TEKT1: variants seen among roughly 807,000 people sequenced by gnomAD.
The protein encoded by TEKT1 is tektin 1.
In TEKT1, 32 loss-of-function variants were observed where a neutral mutation model predicts 34.8. That is an observed-to-expected ratio of 0.92 (90% CI 0.69 to 1.23). The LOEUF is 1.23. Among genes scored for constraint, TEKT1 ranks in the 50% most tolerant of loss-of-function variants. The probability of loss-of-function intolerance (pLI) is 0.00; values close to 1 mark genes in which losing one functional copy is unlikely to be tolerated. For synonymous variants in TEKT1, 207 were observed against 199.8 expected, an observed-to-expected ratio of 1.04 and a Z score of -0.30; for missense variants, 492 against 518.5, an observed-to-expected ratio of 0.95 and a Z score of 0.50.
In TEKT1 at chr17:6,813,045, C is replaced by T. The variant is rs767719905; in HGVS notation, c.638G>A (p.Ser213Asn). 1.2e-6 allele frequency: 2 copies of T among 1,613,460 alleles called. No homozygotes were observed. The highest frequency in any genetic ancestry group is 8.5e-7 in the Non-Finnish European group (1 of 1,179,698). Residue 213 changes from serine (S) to asparagine (N), a missense_variant, in exon 6 of 8, where the codon AGT (serine) becomes AAT (asparagine). Physicochemically the swap from Ser to Asn is conservative, Grantham distance 46 (BLOSUM62 1). Coordinates refer to ENST00000338694, the MANE Select transcript of TEKT1 (RefSeq NM_053285.2). ...NAVRIEPNSV[S>N]LEDWLDFSST... ...GGAGAAGTCCAACCAGTCTTCCAGA[C>T]TCACGGAGCTGAAACAGACCTCACG...
At chr17:6,801,245 C>G (rs1475263891) in intron 6 of TEKT1, among the ~76,000 whole-genome samples, 1 of 152,204 alleles carries the variant, frequency 6.6e-6, no homozygotes, top group Non-Finnish European at 1.5e-5. Context: ...CTCAAAGCTG[C>G]CTGCTCACCT....
Position 6,800,207 on chromosome 17 carries a change from C to T in TEKT1, c.1077G>A (p.Gln359=). The T allele has an allele frequency of 6.2e-7, 1 of 1,614,072 alleles. No individual in the cohort carries two copies. Among genetic ancestry groups the T allele is most frequent in the Non-Finnish European group, 8.5e-7 (1 of 1,180,002 alleles). ...ARLKETLAQA[Q]AELKGLHRRQ... ...TGCGATGCAGCCCTTTCAGCTCTGC[C>T]TGAGCTTGGGCTAAAGTTTCCTTCA... The change falls in exon 8 of 8, where the codon CAG becomes CAA. Residue 359 remains glutamine (Q), a synonymous_variant. Transcript: ENST00000338694.
intron 6 of TEKT1, among the ~76,000 whole-genome samples, chr17:6,805,657 G>A (rs1976833811): frequency 6.6e-6 from 1 of 152,130 alleles, no homozygotes; most frequent in Admixed American, 6.5e-5. Context: ...AGAGATTCTG[G>A]TATGTTGTGT....
chr17:6,808,748 A>G (rs1976885592), intron 6 of TEKT1, among the ~76,000 whole-genome samples: 1 of 152,190 alleles, frequency 6.6e-6, no homozygotes, highest in Non-Finnish European at 1.5e-5. Context: ...TTAAAGTTTC[A>G]ACTAAAATCA....
rs756179015 is a variant in TEKT1 at position 6,819,370 on chromosome 17, G to C, written c.191-12C>G. 6.8e-6 allele frequency: 11 copies of C among 1,607,420 alleles called. No homozygotes were observed. The Admixed American group carries it at 1.9e-4, about 27-fold the overall frequency. ...CTCGAGTCTCTGTTCTGAAGCACAC[G>C]GGGAAGTTACACCAGGGCTAATCTA... On this transcript the variant is annotated splice_polypyrimidine_tract_variant and intron_variant, in intron 2 of 7. Coordinates refer to ENST00000338694, the MANE Select transcript of TEKT1 (RefSeq NM_053285.2).
intron 2 of TEKT1, among the ~76,000 whole-genome samples, chr17:6,826,845 G>A (rs1419269115): frequency 2.0e-5 from 3 of 151,014 alleles, no homozygotes; most frequent in East Asian, 1.9e-4. Context: ...ACAGGCACCC[G>A]CCACCACGCC....
Position 6,799,824 on chromosome 17 carries a change from T to G in TEKT1, c.*203A>C. The stretch of plus-strand genomic sequence containing the variant: ...TGTAAGAGTGGCCTGTGCTAAAATA[T>G]GGAGTTGAATTGTTAGGCAAACACC... On this transcript the variant is annotated 3_prime_UTR_variant, in exon 8 of 8. Transcript: ENST00000338694. The G allele has an allele frequency of 2.0e-6, 1 of 506,998 alleles. No individual in the cohort carries two copies. Among genetic ancestry groups the G allele is most frequent in the Non-Finnish European group, 3.4e-6 (1 of 292,718 alleles). The allele number at this position is 506,998 out of a possible 1,614,324, so 31.4% of individuals were successfully genotyped here.
At chr17:6,826,419 G>T (rs1354591056) in intron 2 of TEKT1, among the ~76,000 whole-genome samples, 1 of 152,032 alleles carries the variant, frequency 6.6e-6, no homozygotes, top group Non-Finnish European at 1.5e-5. Flanking sequence ...TTTTGATGAG[G>T]TATTTTTGTT....
In TEKT1 at chr17:6,830,319, T is replaced by A; in HGVS notation, c.58A>T (p.Asn20Tyr). ...TCTGCTCTGTGGTACTGGTTCTTGTTAGCAATGTGCCACTCTGAGGGCAGG... is the reference window on the plus strand; with the variant it reads ...TCTGCTCTGTGGTACTGGTTCTTGTAAGCAATGTGCCACTCTGAGGGCAGG... ...KFLPSEWHIA[N>Y]KNQYHRADAQ... is the part of the protein sequence containing the mutation. Residue 20 changes from asparagine to tyrosine, a missense_variant, in exon 2 of 8, where the codon AAC becomes TAC. Coordinates refer to ENST00000338694, the MANE Select transcript of TEKT1 (RefSeq NM_053285.2). 1 of 1,611,030 alleles carries A rather than the reference T, an allele frequency of 6.2e-7. No individual in the cohort carries two copies. The highest frequency in any genetic ancestry group is 8.5e-7 in the Non-Finnish European group (1 of 1,179,560).
chr17:6,815,625 C>T (rs1220381269), intron 4 of TEKT1, among the ~76,000 whole-genome samples: 1 of 152,200 alleles, frequency 6.6e-6, no homozygotes, highest in Non-Finnish European at 1.5e-5. Context: ...TGAAATCCAG[C>T]TCCAGCCCCA....
rs1238957954 is a variant in TEKT1, at chr17:6,800,054, C to T, written c.1230G>A (p.Gly410=). ...RDGEDHGVWA[G]GLRPDAVC is the part of the protein sequence containing the mutation. ...AGCAGACAGCATCAGGGCGGAGGCC[C>T]CCAGCCCAGACCCCATGGTCTTCCC... Residue 410 remains glycine (G), a synonymous_variant, in exon 8 of 8, where the codon GGG becomes GGA. Coordinates refer to ENST00000338694, the MANE Select transcript of TEKT1 (RefSeq NM_053285.2). The T allele has an allele frequency of 3.1e-6, 5 of 1,610,970 alleles. No homozygotes were observed. The African/African-American group carries it at 4.0e-5, about 13-fold the overall frequency.
Position 6,830,193 on chromosome 17 carries a change from T to C in TEKT1, c.184A>G (p.Lys62Glu). The change falls in exon 2 of 8, where the codon AAA becomes GAA. Residue 62 changes from lysine to glutamate, a missense_variant. By Grantham distance (56) the Lys-to-Glu change is moderately conservative. Coordinates refer to ENST00000338694, the MANE Select transcript of TEKT1 (RefSeq NM_053285.2). Reference protein sequence around the residue: ...TRKSQSDVNKKLEQRLEEVQF... With the variant: ...TRKSQSDVNKELEQRLEEVQF... ...GCCAAGCATGTTGTCTTACCTAGTT[T>C]CTTGTTCACATCGCTTTGAGATTTT... The C allele has an allele frequency of 6.2e-7, 1 of 1,609,224 alleles. No individual in the cohort carries two copies. Among genetic ancestry groups the C allele is most frequent in the African/African-American group, 1.3e-5 (1 of 74,616 alleles).
intron 1 of TEKT1, among the ~76,000 whole-genome samples, chr17:6,830,685 T>C (rs746205679): frequency 1.4e-4 from 22 of 152,268 alleles, no homozygotes; most frequent in South Asian, 4.1e-4. Flanking sequence ...TAATACAGTA[T>C]GTATTATTCT....
At chr17:6,800,318 T>G (rs1022618737) in intron 7 of TEKT1, 84 bp from the exon 8 acceptor site, 68 of 1,215,090 alleles carry the variant, frequency 5.6e-5, no homozygotes, top group Non-Finnish European at 7.6e-5. Flanking sequence ...CAGTGTTCAG[T>G]GCAGGAGCCA....
In TEKT1 at chr17:6,806,217, T is replaced by C. The variant is rs187132254; in HGVS notation, c.853-5274A>G. Among the ~76,000 whole-genome samples the C allele has an allele frequency of 3.1e-4, 47 of 152,388 alleles. 1 individual carries two copies. In the East Asian group the frequency reaches 8.7e-3, roughly 28 times the overall value. ...TGTTGAATTGATCCCTTTACCATTA[T>C]GTAATGCCCTCCTTTGTCTCTTTTG... On this transcript the variant is annotated intron_variant, in intron 6 of 7. Coordinates refer to ENST00000338694, the MANE Select transcript of TEKT1 (RefSeq NM_053285.2).
intron 2 of TEKT1, among the ~76,000 whole-genome samples, chr17:6,819,583 A>C (rs943046396): frequency 2.0e-5 from 3 of 152,206 alleles, no homozygotes; most frequent in African/African-American, 7.2e-5. Context: ...TACACCCACT[A>C]GTTCTTCAGT....
intron 2 of TEKT1, among the ~76,000 whole-genome samples, chr17:6,826,506 TAAG>T (rs1904398503): frequency 6.6e-6 from 1 of 152,108 alleles, no homozygotes; most frequent in Admixed American, 6.5e-5. Flanking sequence ...CAGGCCTGCT[TAAG>T]AATAAGAAAT....
intron 2 of TEKT1, among the ~76,000 whole-genome samples, chr17:6,828,825 CCT>C (rs1329723848): frequency 2.0e-5 from 3 of 151,684 alleles, no homozygotes; most frequent in African/African-American, 7.3e-5. Flanking sequence ...AATGTGCTTT[CCT>C]GAGATCTTTG....
At chr17:6,805,578 T>A (rs1411566652) in intron 6 of TEKT1, among the ~76,000 whole-genome samples, 1 of 152,216 alleles carries the variant, frequency 6.6e-6, no homozygotes, top group Non-Finnish European at 1.5e-5. Flanking sequence ...ATTTTAGATC[T>A]TTCCTGCTTT....
Sources: allele counts gnomAD v4.1 joint callset (sites outside exome capture counted in the v4.1 genomes callset), GRCh38; gene constraint gnomAD v4.1.1; transcripts MANE v1.5; gene names NCBI Gene and HGNC (gene_info 2026-07-23, HGNC 2026-07-21).